GLRA2: variants seen among roughly 807,000 people sequenced by gnomAD.
The protein encoded by GLRA2 is glycine receptor alpha 2.
In GLRA2, 11 loss-of-function variants were observed where a neutral mutation model predicts 31.6. That is an observed-to-expected ratio of 0.35 (90% CI 0.22 to 0.58). The LOEUF (loss-of-function observed/expected upper bound fraction) is 0.58, where lower values mean the gene tolerates loss of function less well. Among genes scored for constraint, GLRA2 ranks in the 20% least tolerant of loss-of-function variants. The pLI, the probability that GLRA2 is intolerant of heterozygous loss-of-function variation, is 0.84. For synonymous variants in GLRA2, 132 were observed against 134.0 expected (o/e 0.99, Z 0.10); for missense variants, 212 against 351.8 (o/e 0.60, Z 3.18).
chrX:14,581,113 TGA>T, intron 3 of GLRA2, 68 bp from the exon 4 acceptor site: 1 of 652,689 alleles, frequency 1.5e-6, no homozygotes, highest in Non-Finnish European at 2.5e-6. Context: ...GGGAGAAGAA[TGA>T]GAGAGAAATG....
intron 7 of GLRA2, among the ~76,000 whole-genome samples, chrX:14,689,942 CA>C (rs1174624194): frequency 1.8e-5 from 2 of 112,234 alleles, no homozygotes; most frequent in Non-Finnish European, 3.8e-5. Flanking sequence ...AACACTTAAG[CA>C]AACACTGAAG....
In GLRA2 at chrX:14,538,574, C is replaced by T. The variant is rs1489372794; in HGVS notation, c.202+6202C>T. Among the ~76,000 whole-genome samples, 4 of 111,259 alleles carry T rather than the reference C, an allele frequency of 3.6e-5. No individual in the cohort carries two copies. The East Asian group carries it at 1.1e-3, about 32-fold the overall frequency. On this transcript the variant is annotated intron_variant, in intron 2 of 8. Coordinates refer to ENST00000218075, the MANE Select transcript of GLRA2 (RefSeq NM_002063.4). ...TGGGGAAATTTCCAACCTGAAACGG[C>T]TATTTCATATTCCTAAATATAAAAC... is the stretch of plus-strand genomic sequence containing the variant.
the GLRA2 span, among the ~76,000 whole-genome samples, chrX:14,508,715 C>G: frequency 8.9e-6 from 1 of 111,759 alleles, no homozygotes; most frequent in South Asian, 3.8e-4. Flanking sequence ...GCCTGGAACA[C>G]AGTAGGCATT....
intron 4 of GLRA2, among the ~76,000 whole-genome samples, chrX:14,598,172 C>T (rs959923857): frequency 3.6e-5 from 4 of 111,506 alleles, no homozygotes; most frequent in Non-Finnish European, 7.5e-5. Context: ...CTGAAAGACA[C>T]AGAAACATCC....
At chrX:14,602,964 A>C (rs1369032913) in intron 4 of GLRA2, among the ~76,000 whole-genome samples, 5 of 111,661 alleles carry the variant, frequency 4.5e-5, no homozygotes, top group African/African-American at 3.3e-5. Context: ...CGCTGGAACA[A>C]ATAATAGTTC....
intron 8 of GLRA2, among the ~76,000 whole-genome samples, chrX:14,718,717 T>A (rs2091824633): frequency 8.9e-6 from 1 of 112,030 alleles, no homozygotes; most frequent in Non-Finnish European, 1.9e-5. Context: ...AGTCTTTCCA[T>A]GTGGCTTGAC....
At chrX:14,575,090 C>CA (rs373977033) in intron 3 of GLRA2, among the ~76,000 whole-genome samples, 1,402 of 93,535 alleles carry the variant, frequency 0.015, 33 homozygotes, top group African/African-American at 0.044. Context: ...ATGCCTTTTC[C>CA]AAAAAAAAAA....
At chrX:14,520,923 G>A in the GLRA2 span, among the ~76,000 whole-genome samples, 10 of 112,628 alleles carry the variant, frequency 8.9e-5, no homozygotes, top group East Asian at 5.6e-4. Flanking sequence ...CTTTGTTTTC[G>A]TCATTTTTTA....
the GLRA2 span, among the ~76,000 whole-genome samples, chrX:14,484,356 T>A: frequency 8.9e-6 from 1 of 112,008 alleles, no homozygotes; most frequent in Non-Finnish European, 1.9e-5. Flanking sequence ...GGAAGGGTTT[T>A]ACTTCAACCT....
rs892608336 is a variant in GLRA2 at position 14,621,537 on chromosome X, C to T, written c.930+12332C>T. On this transcript the variant is annotated intron_variant, in intron 7 of 8. Transcript: ENST00000218075. ...CTGTCCCCCAGCCCCCGACAGGCCC[C>T]GGTGTGTGATGTTCCCCATCCTGTG... Among the ~76,000 whole-genome samples the T allele has an allele frequency of 1.3e-4, 14 of 110,038 alleles. 1 individual carries two copies. The highest frequency in any genetic ancestry group is 2.9e-4 in the Admixed American group (3 of 10,319).
chrX:14,540,317 G>A (rs113907905), intron 2 of GLRA2, among the ~76,000 whole-genome samples: 270 of 111,226 alleles, frequency 2.4e-3, no homozygotes, highest in African/African-American at 8.4e-3. Flanking sequence ...CCTGGTGAAG[G>A]CAGCTATACA....
the GLRA2 span, among the ~76,000 whole-genome samples, chrX:14,493,084 C>T: frequency 9.0e-6 from 1 of 111,285 alleles, no homozygotes; most frequent in Non-Finnish European, 1.9e-5. Context: ...TAAATACTAA[C>T]ATGCTGGGTT....
chrX:14,616,328 C>T (rs761009363), intron 7 of GLRA2, among the ~76,000 whole-genome samples: 1 of 111,707 alleles, frequency 9.0e-6, no homozygotes, highest in South Asian at 3.8e-4. Flanking sequence ...CTAGAATGAC[C>T]TAGGTGTGCA....
the GLRA2 span, among the ~76,000 whole-genome samples, chrX:14,513,567 T>TA: frequency 1.8e-5 from 2 of 110,527 alleles, no homozygotes; most frequent in Admixed American, 9.6e-5. Flanking sequence ...CAAATTAGCA[T>TA]AAAAAAACCG....
intron 7 of GLRA2, among the ~76,000 whole-genome samples, chrX:14,625,396 C>G (rs1034928609): frequency 9.0e-6 from 1 of 111,191 alleles, no homozygotes; most frequent in Non-Finnish European, 1.9e-5. Context: ...CATTATGATG[C>G]TAGCTGGTTA....
the GLRA2 span, among the ~76,000 whole-genome samples, chrX:14,506,923 G>A: frequency 8.9e-6 from 1 of 111,815 alleles, no homozygotes; most frequent in Non-Finnish European, 1.9e-5. Context: ...GGAAGGTGGT[G>A]GAAGAATCAG....
chrX:14,491,180 C>T, the GLRA2 span, among the ~76,000 whole-genome samples: 1 of 111,955 alleles, frequency 8.9e-6, no homozygotes, highest in Non-Finnish European at 1.9e-5. Flanking sequence ...ATTTTTTAAA[C>T]ATCAATAATA....
intron 2 of GLRA2, among the ~76,000 whole-genome samples, chrX:14,539,602 A>T (rs140553260): frequency 2.7e-5 from 3 of 111,701 alleles, no homozygotes; most frequent in African/African-American, 9.7e-5. Flanking sequence ...ACAAGAGAGA[A>T]GCTGGACCCT....
chrX:14,680,389 A>T, intron 7 of GLRA2, among the ~76,000 whole-genome samples: 1 of 112,305 alleles, frequency 8.9e-6, no homozygotes, highest in Non-Finnish European at 1.9e-5. Flanking sequence ...GCCTGAAAAG[A>T]TACCAACTTA....
Sources: allele counts gnomAD v4.1 joint callset (sites outside exome capture counted in the v4.1 genomes callset), GRCh38; gene constraint gnomAD v4.1.1; transcripts MANE v1.5; gene names NCBI Gene and HGNC (gene_info 2026-07-23, HGNC 2026-07-21).